TLN2: variants seen among roughly 807,000 people sequenced by gnomAD.
The protein encoded by TLN2 is talin-2.
Under a neutral mutation model 294.7 loss-of-function variants are expected in TLN2, and 118 were observed. The ratio of observed to expected loss-of-function variants is 0.40; its 90% CI spans 0.34 to 0.47. The LOEUF is 0.47. Among genes scored for constraint, TLN2 ranks in the 20% least tolerant of loss-of-function variants. TLN2 has a pLI of 0.84. For synonymous variants in TLN2, 1,431 were observed against 1,304.5 expected (o/e 1.10, Z -2.09); for missense variants, 3,083 against 3,282.2 (o/e 0.94, Z 1.48).
chr15:62,807,580 A>C (rs1892615048), intron 51 of TLN2, among the ~76,000 whole-genome samples: 1 of 152,182 alleles, frequency 6.6e-6, no homozygotes, highest in South Asian at 2.1e-4. Flanking sequence ...AACAGAAGAG[A>C]AACCATGATT....
chr15:62,698,999 A>G (rs2058539882), intron 16 of TLN2, 132 bp downstream of exon 16: 6 of 881,130 alleles, frequency 6.8e-6, no homozygotes, highest in African/African-American at 1.7e-5. Context: ...TTTTCAGGAT[A>G]TTGAGTCTTT....
At chr15:62,496,302 A>G (rs1013013349) in intron 1 of TLN2, among the ~76,000 whole-genome samples, 2 of 152,254 alleles carry the variant, frequency 1.3e-5, no homozygotes, top group African/African-American at 4.8e-5. Flanking sequence ...CAAAAGGCCT[A>G]CTTGAATGTA....
intron 1 of TLN2, among the ~76,000 whole-genome samples, chr15:62,477,810 A>C (rs1281806228): frequency 6.7e-6 from 1 of 149,822 alleles, no homozygotes; most frequent in African/African-American, 2.5e-5. Context: ...GGTCAGATGC[A>C]GGGCACTGCT....
intron 31 of TLN2, 83 bp from the exon 32 acceptor site, chr15:62,740,547 C>T (rs1265513309): frequency 1.9e-6 from 3 of 1,573,676 alleles, no homozygotes; most frequent in Non-Finnish European, 2.6e-6. Context: ...GCCTGCATGT[C>T]AGGATGCTGC....
At chr15:62,780,358 C>A (rs1236032437) in intron 43 of TLN2, among the ~76,000 whole-genome samples, 1 of 152,184 alleles carries the variant, frequency 6.6e-6, no homozygotes. Context: ...GTATATAGTT[C>A]TTGACCAGGT....
chr15:62,797,340 C>G lies in TLN2; in HGVS notation c.6172C>G (p.Gln2058Glu), dbSNP rs1421266320. 7 of 1,613,452 alleles carry G rather than the reference C, an allele frequency of 4.3e-6. No homozygotes were observed. Among genetic ancestry groups the G allele is most frequent in the Non-Finnish European group, 5.9e-6 (7 of 1,179,982 alleles). The change falls in exon 48 of 59, where the codon CAG becomes GAG. Residue 2058 changes from glutamine to glutamate, a missense_variant. Coordinates refer to ENST00000636159, the MANE Select transcript of TLN2 (RefSeq NM_015059.3). ...CCAGTCCTCAGCAGCCACCATCACC[C>G]AGCTCGCAGAAGTGGTCAAGCTGGG... ...AAQSSAATITQLAEVVKLGAA... is the reference protein window; with the variant it reads ...AAQSSAATITELAEVVKLGAA...
intron 1 of TLN2, among the ~76,000 whole-genome samples, chr15:62,418,605 G>A (rs2034215930): frequency 1.3e-5 from 2 of 152,228 alleles, no homozygotes; most frequent in Non-Finnish European, 2.9e-5. Context: ...CAACAAGGCT[G>A]TTTATTTCAC....
At chr15:62,527,981 T>A (rs1287392150) in intron 1 of TLN2, among the ~76,000 whole-genome samples, 1 of 152,224 alleles carries the variant, frequency 6.6e-6, no homozygotes, top group African/African-American at 2.4e-5. Flanking sequence ...AAAAATACTT[T>A]AAAAAATCAC....
chr15:62,540,011 A>T (rs954570815), intron 1 of TLN2, among the ~76,000 whole-genome samples: 1 of 152,058 alleles, frequency 6.6e-6, no homozygotes, highest in Non-Finnish European at 1.5e-5. Flanking sequence ...ATTCAAACGA[A>T]CTCATCACTG....
At chr15:62,580,041 CAT>C in intron 1 of TLN2, among the ~76,000 whole-genome samples, 1 of 152,330 alleles carries the variant, frequency 6.6e-6, no homozygotes, top group South Asian at 2.1e-4. Flanking sequence ...GCCAAGCCAA[CAT>C]GTGTCACTCT....
chr15:62,484,896 A>G (rs909521131), intron 1 of TLN2, among the ~76,000 whole-genome samples: 1 of 152,150 alleles, frequency 6.6e-6, no homozygotes, highest in African/African-American at 2.4e-5. Flanking sequence ...TAAACTTGTG[A>G]CTTGAAACAA....
At chr15:62,750,335 G>T (rs947239498) in intron 33 of TLN2, 67 bp from the exon 34 acceptor site, 37 of 1,300,702 alleles carry the variant, frequency 2.8e-5, no homozygotes, top group Non-Finnish European at 4.1e-5. Flanking sequence ...ATAGTTGGCA[G>T]TTGATGTTGA....
intron 1 of TLN2, among the ~76,000 whole-genome samples, chr15:62,483,946 G>T (rs548543073): frequency 3.3e-5 from 5 of 152,214 alleles, no homozygotes; most frequent in Admixed American, 3.3e-4. Flanking sequence ...AGGGCAGTGC[G>T]TAGAGAAGAT....
intron 52 of TLN2, among the ~76,000 whole-genome samples, chr15:62,817,783 G>A (rs1265822660): frequency 6.7e-6 from 1 of 149,240 alleles, no homozygotes; most frequent in Non-Finnish European, 1.5e-5. Context: ...AGCATTGTGA[G>A]AAATACTCTC....
chr15:62,653,111 G>A, intron 6 of TLN2, 51 bp from the exon 7 acceptor site: 2 of 1,441,790 alleles, frequency 1.4e-6, no homozygotes, highest in Non-Finnish European at 1.9e-6. Context: ...GCTGGAAGAG[G>A]TTGACAGCAG....
chr15:62,583,504 G>GTTT (rs67564590), intron 1 of TLN2, among the ~76,000 whole-genome samples: 1 of 149,942 alleles, frequency 6.7e-6, no homozygotes, highest in Admixed American at 6.7e-5. Flanking sequence ...TTCTTTTTTT[G>GTTT]TTTTTTTTTG....
chr15:62,773,503 G>A (rs1330190030), intron 42 of TLN2, among the ~76,000 whole-genome samples: 2 of 152,060 alleles, frequency 1.3e-5, no homozygotes, highest in South Asian at 2.1e-4. Context: ...CCCAAAGTGC[G>A]CCTGGGACAC....
At chr15:62,817,814 C>CTTTTTTT (rs1179496167) in intron 52 of TLN2, among the ~76,000 whole-genome samples, 6 of 115,718 alleles carry the variant, frequency 5.2e-5, no homozygotes, top group Non-Finnish European at 8.8e-5. Context: ...TCCATTCTAT[C>CTTTTTTT]TTTTTTTTTT....
At chr15:62,580,984 A>G (rs976588540) in intron 1 of TLN2, among the ~76,000 whole-genome samples, 10 of 151,600 alleles carry the variant, frequency 6.6e-5, no homozygotes, top group African/African-American at 2.2e-4. Context: ...CCCAGGTCCA[A>G]GTGATTCTCC....
Sources: allele counts gnomAD v4.1 joint callset (sites outside exome capture counted in the v4.1 genomes callset), GRCh38; gene constraint gnomAD v4.1.1; transcripts MANE v1.5; gene names NCBI Gene and HGNC (gene_info 2026-07-23, HGNC 2026-07-21).